Variants in ZNF568 observed in about 807,000 individuals in gnomAD.
ZNF568 encodes the protein zinc finger protein 568.
ZNF568 carries 11 observed loss-of-function variants against 18.1 expected under a neutral mutation model. That is an observed-to-expected ratio of 0.61 (90% CI 0.38 to 1.00). ZNF568 has a LOEUF of 1.00. ZNF568 is among the 50% of genes least tolerant of loss of function. The pLI, the probability that ZNF568 is intolerant of heterozygous loss-of-function variation, is 0.01. For synonymous variants in ZNF568, 213 were observed against 246.6 expected, an observed-to-expected ratio of 0.86 and a Z score of 1.28; for missense variants, 639 against 768.2, an observed-to-expected ratio of 0.83 and a Z score of 1.99.
chr19:36,997,470 TA>T, downstream of ZNF568: 1 of 1,587,770 alleles, frequency 6.3e-7, no homozygotes. Context: ...CCCATAAGTG[TA>T]AGGAATGTGG....
intron 4 of ZNF568, among the ~76,000 whole-genome samples, chr19:36,995,753 C>T (rs569620469): frequency 3.3e-5 from 5 of 152,206 alleles, no homozygotes; most frequent in African/African-American, 7.2e-5. Flanking sequence ...AGCATTTCAA[C>T]TTAAAACAAT....
chr19:36,958,480 T>C lies in ZNF568; in HGVS notation c.359-15940T>C, dbSNP rs912944816. On this transcript the variant is annotated intron_variant, in intron 6 of 7. Transcript: ENST00000427117. ...GTTTGGATTGTCTGTTTATTCTTGG[T>C]GAGTTTTGACAGATTGTGTCTTTCA... Among the ~76,000 whole-genome samples, 15 of 152,124 alleles carry C rather than the reference T, an allele frequency of 9.9e-5. No homozygotes were observed. The South Asian group carries it at 3.1e-3, about 32-fold the overall frequency.
intron 2 of ZNF568, among the ~76,000 whole-genome samples, chr19:36,920,452 G>A (rs912787528): frequency 5.9e-5 from 9 of 151,620 alleles, no homozygotes; most frequent in African/African-American, 7.3e-5. Flanking sequence ...GTGAAACCCC[G>A]TCTCTACTAA....
intron 4 of ZNF568, among the ~76,000 whole-genome samples, chr19:36,929,419 C>T (rs1276274497): frequency 1.3e-5 from 2 of 152,084 alleles, no homozygotes; most frequent in African/African-American, 4.8e-5. Context: ...GGCGTGGTGG[C>T]TCACGCCTGT....
chr19:36,949,091 C>A (rs1373553637), intron 6 of ZNF568, among the ~76,000 whole-genome samples: 1 of 152,116 alleles, frequency 6.6e-6, no homozygotes, highest in Non-Finnish European at 1.5e-5. Flanking sequence ...TATTCCTTCA[C>A]TATCATTTTA....
downstream of ZNF568, among the ~76,000 whole-genome samples, chr19:36,956,071 G>A (rs892465264): frequency 8.5e-5 from 13 of 152,168 alleles, no homozygotes; most frequent in Admixed American, 7.2e-4. Context: ...AATGGAGGAA[G>A]CAGAATAAGA....
intron 4 of ZNF568, among the ~76,000 whole-genome samples, chr19:36,933,413 G>T (rs200344898): frequency 9.5e-6 from 1 of 105,358 alleles, no homozygotes; most frequent in Admixed American, 9.7e-5. Flanking sequence ...TGGGTTTTTT[G>T]GTTGTTGTTG....
At position 36,937,166 on chromosome 19, in the gene ZNF568, G is replaced by A. The variant is rs371450534; in HGVS notation, c.282G>A (p.Pro94=). 16 of 1,613,792 alleles carry A rather than the reference G, an allele frequency of 9.9e-6. No homozygotes were observed. Among genetic ancestry groups the A allele is most frequent in the East Asian group, 2.2e-5 (1 of 44,884 alleles). Residue 94 remains proline (P), a synonymous_variant, in exon 6 of 7, where the codon CCG becomes CCA. Coordinates refer to ENST00000333987, the MANE Select transcript of ZNF568 (RefSeq NM_198539.4). The part of the protein sequence containing the change: ...LVTVGCQVTK[P]DVIFKLEQEE... ...TAATAGGCTGTCAAGTCACCAAACCGGATGTGATATTCAAGTTGGAGCAAG... is the reference window on the plus strand; with the variant it reads ...TAATAGGCTGTCAAGTCACCAAACCAGATGTGATATTCAAGTTGGAGCAAG...
At chr19:36,941,280 G>A (rs1359963272) in intron 6 of ZNF568, among the ~76,000 whole-genome samples, 1 of 152,104 alleles carries the variant, frequency 6.6e-6, no homozygotes, top group African/African-American at 2.4e-5. Context: ...TATCATTTTG[G>A]GTGATGGTAT....
intron 6 of ZNF568, among the ~76,000 whole-genome samples, chr19:36,939,470 T>C (rs533774589): frequency 6.6e-6 from 1 of 152,214 alleles, no homozygotes; most frequent in South Asian, 2.1e-4. Context: ...TTCTGTTCTT[T>C]CCTCCTATTC....
intron 6 of ZNF568, among the ~76,000 whole-genome samples, chr19:36,965,302 CA>C (rs2074186134): frequency 6.6e-6 from 1 of 152,100 alleles, no homozygotes; most frequent in Non-Finnish European, 1.5e-5. Flanking sequence ...CATGTGAGGA[CA>C]ACCATGTATC....
Position 36,952,065 on chromosome 19 carries a change from A to G in ZNF568, c.*977A>G. The G allele has an allele frequency of 1.1e-6, 1 of 946,292 alleles. No homozygotes were observed. The highest frequency in any genetic ancestry group is 1.2e-6 in the Non-Finnish European group (1 of 805,688). The allele number at this position is 946,292 out of a possible 1,614,324, so 58.6% of individuals were successfully genotyped here. ...TTTTTTTTTTTTTTTTCAAGACAAA[A>G]GGACTCTGTAATTCCACTTCTAGGT... On this transcript the variant is annotated 3_prime_UTR_variant, in exon 7 of 7. Transcript: ENST00000333987.
rs777877337 is a variant in ZNF568 at position 36,949,652 on chromosome 19, G to A, written c.499G>A (p.Asp167Asn). 1 of 1,613,682 alleles carries A rather than the reference G, an allele frequency of 6.2e-7. No individual in the cohort carries two copies. Among genetic ancestry groups the A allele is most frequent in the Non-Finnish European group, 8.5e-7 (1 of 1,179,862 alleles). ...TGCGAAAATATTTCCTCTGAGTTCA[G>A]ACATTGTTACTTCAAGACAAAGCTT... ...KVAKIFPLSSDIVTSRQSFYD... is the reference protein window; with the variant it reads ...KVAKIFPLSSNIVTSRQSFYD... Residue 167 changes from aspartate to asparagine, a missense_variant, in exon 7 of 7, where the codon GAC becomes AAC. Transcript: ENST00000333987.
chr19:36,974,632 A>G (rs1027969742), intron 7 of ZNF568, among the ~76,000 whole-genome samples: 2 of 152,134 alleles, frequency 1.3e-5, no homozygotes, highest in African/African-American at 4.8e-5. Flanking sequence ...AGGGCTGTCT[A>G]TTTTGCAAAC....
At chr19:36,997,423 C>T, downstream of ZNF568, 2 of 1,584,722 alleles carry the variant, frequency 1.3e-6, no homozygotes, top group Non-Finnish European at 1.7e-6. Context: ...TAGCACAGAA[C>T]TTGTTCGACA....
At chr19:36,943,818 C>G (rs2073921277) in intron 6 of ZNF568, among the ~76,000 whole-genome samples, 1 of 152,014 alleles carries the variant, frequency 6.6e-6, no homozygotes, top group African/African-American at 2.4e-5. Context: ...AGTGATCAGC[C>G]CGCTTTGGCC....
intron 4 of ZNF568, among the ~76,000 whole-genome samples, chr19:36,932,321 G>A (rs1455533189): frequency 6.6e-6 from 1 of 152,116 alleles, no homozygotes; most frequent in Non-Finnish European, 1.5e-5. Flanking sequence ...GAGTGCAATG[G>A]CTCATGCCTG....
At chr19:36,927,876 A>ATG (rs1568381274) in intron 4 of ZNF568, among the ~76,000 whole-genome samples, 2 of 56,656 alleles carry the variant, frequency 3.5e-5, no homozygotes, top group African/African-American at 2.3e-4. Context: ...ATATATATAT[A>ATG]TATATATATA....
intron 4 of ZNF568, among the ~76,000 whole-genome samples, chr19:36,927,365 G>A (rs2073573743): frequency 6.6e-6 from 1 of 152,008 alleles, no homozygotes; most frequent in South Asian, 2.1e-4. Context: ...TTATAATATT[G>A]TAATTGGTTT....
Sources: allele counts gnomAD v4.1 joint callset (sites outside exome capture counted in the v4.1 genomes callset), GRCh38; gene constraint gnomAD v4.1.1; transcripts MANE v1.5; gene names NCBI Gene and HGNC (gene_info 2026-07-23, HGNC 2026-07-21).